Variants in SMARCA4 observed in about 807,000 individuals in gnomAD.
The protein encoded by SMARCA4 is SWI/SNF-related matrix-associated actin-dependent regulator of chromatin subfamily A member 4.
Under a neutral mutation model 193.9 loss-of-function variants are expected in SMARCA4, and 31 were observed. That is an observed-to-expected ratio of 0.16 (90% CI 0.12 to 0.22). The LOEUF is 0.22. SMARCA4 is among the 10% of genes least tolerant of loss of function. SMARCA4 has a pLI of 1.00. For missense variants in SMARCA4, 1,148 were observed against 2,296.0 expected (o/e 0.50, Z 10.22); for synonymous variants, 942 against 933.1 (o/e 1.01, Z -0.17).
At chr19:10,973,965 G>T (rs1272475275) in intron 1 of SMARCA4, among the ~76,000 whole-genome samples, 2 of 152,106 alleles carry the variant, frequency 1.3e-5, no homozygotes, top group East Asian at 3.9e-4. Context: ...CCTGCCCATT[G>T]CTGTTGTTCC....
In SMARCA4 at chr19:11,061,961, A is replaced by G. The variant is rs2076922650; in HGVS notation, c.*145A>G. ...AAAGAATCTTCCATATTTATACAGC[A>G]GAGAAGCTGTAGGACTGTTTGTGAC... On this transcript the variant is annotated 3_prime_UTR_variant, in exon 35 of 35. Coordinates refer to ENST00000344626, the MANE Select transcript of SMARCA4 (RefSeq NM_003072.5). 72 of 791,454 alleles carry G rather than the reference A, an allele frequency of 9.1e-5. 1 individual carries two copies. The South Asian group carries it at 9.9e-4, about 11-fold the overall frequency. The allele number at this position is 791,454 out of a possible 1,614,324, so 49.0% of individuals were successfully genotyped here. A position where few individuals can be genotyped will look rare whatever the true frequency, so the allele number is the denominator to read the frequency against.
chr19:11,054,005 C>T (rs2076404725), intron 30 of SMARCA4, among the ~76,000 whole-genome samples: 1 of 152,194 alleles, frequency 6.6e-6, no homozygotes, highest in African/African-American at 2.4e-5. Context: ...GGAAATGGGC[C>T]AAAGATGGGA....
intron 15 of SMARCA4, 60 bp from the exon 16 acceptor site, chr19:11,012,889 A>G (rs368665489): frequency 4.5e-6 from 7 of 1,541,188 alleles, no homozygotes; most frequent in Non-Finnish European, 1.8e-6. Context: ...CTGAAGTGGG[A>G]GGACCCTCTG....
At chr19:11,048,872 C>G (rs572020083) in intron 30 of SMARCA4, among the ~76,000 whole-genome samples, 1 of 152,340 alleles carries the variant, frequency 6.6e-6, no homozygotes, top group Admixed American at 6.5e-5. Flanking sequence ...ATCTTATACT[C>G]TGTTCTTCTG....
Position 11,019,746 on chromosome 19 carries a change from C to A in SMARCA4, c.2616+45C>A. 1 of 1,360,814 alleles carries A rather than the reference C, an allele frequency of 7.3e-7. No homozygotes were observed. Among genetic ancestry groups the A allele is most frequent in the Non-Finnish European group, 1.0e-6 (1 of 954,836 alleles). The allele number at this position is 1,360,814 out of a possible 1,614,324, so 84.3% of individuals were successfully genotyped here. A position where few individuals can be genotyped will look rare whatever the true frequency, so the allele number is the denominator to read the frequency against. On this transcript the variant is annotated intron_variant, in intron 18 of 34. Transcript: ENST00000344626. The surrounding 1 kb of genome is among the most constrained non-coding windows in gnomAD (Gnocchi z 6.1). ...AATGCCAGGCCATGGGCCGAGTGCTCACACGTGGGTCACGCTGCCCGTCTC... is the reference window on the plus strand; with the variant it reads ...AATGCCAGGCCATGGGCCGAGTGCTAACACGTGGGTCACGCTGCCCGTCTC...
At chr19:11,004,356 C>T (rs2146127618) in intron 13 of SMARCA4, among the ~76,000 whole-genome samples, 1 of 152,060 alleles carries the variant, frequency 6.6e-6, no homozygotes, top group South Asian at 2.1e-4. Flanking sequence ...TCAAGTGATT[C>T]TCCTGCCTCA....
chr19:10,979,999 C>T (rs2085434639), intron 1 of SMARCA4, among the ~76,000 whole-genome samples: 2 of 152,126 alleles, frequency 1.3e-5, no homozygotes, highest in South Asian at 2.1e-4. Flanking sequence ...GAGCTGAGGA[C>T]GTGGAGTCGC....
In SMARCA4 at chr19:11,007,991, C is replaced by T. The variant is rs528874054; in HGVS notation, c.2091C>T (p.Asp697=). 51 of 1,613,610 alleles carry T rather than the reference C, an allele frequency of 3.2e-5. No homozygotes were observed. Among genetic ancestry groups the T allele is most frequent in the African/African-American group, 1.2e-4 (9 of 75,014 alleles). ...AGATTCCAGATCCAGACAGCGATGA[C>T]GTCTCTGAGGTGGACGCGCGGCACA... ...KKKIPDPDSD[D]VSEVDARHII... The change falls in exon 14 of 35, where the codon GAC becomes GAT. Residue 697 remains aspartate, a synonymous_variant. Transcript: ENST00000344626.
chr19:11,014,639 G>A (rs888611363), intron 16 of SMARCA4, among the ~76,000 whole-genome samples: 2 of 152,008 alleles, frequency 1.3e-5, no homozygotes, highest in African/African-American at 2.4e-5. Flanking sequence ...AGTGGCAGTC[G>A]CCCTCTGCAG....
At chr19:11,045,439 C>A (rs907037508) in intron 30 of SMARCA4, among the ~76,000 whole-genome samples, 1 of 152,090 alleles carries the variant, frequency 6.6e-6, no homozygotes, top group Non-Finnish European at 1.5e-5. Flanking sequence ...AGCCACACGA[C>A]GAGCCTTCTA....
Position 11,033,120 on chromosome 19 carries a change from C to T in SMARCA4, c.3547-170C>T, listed in dbSNP as rs560037839. The T allele has an allele frequency of 7.9e-5, 54 of 681,240 alleles. No individual in the cohort carries two copies. The highest frequency in any genetic ancestry group is 5.1e-4 in the African/African-American group (29 of 56,900). The allele number at this position is 681,240 out of a possible 1,614,324, so 42.2% of individuals were successfully genotyped here. On this transcript the variant is annotated intron_variant, in intron 25 of 34. Coordinates refer to ENST00000344626, the MANE Select transcript of SMARCA4 (RefSeq NM_003072.5). The surrounding 1 kb of genome is among the most constrained non-coding windows in gnomAD (Gnocchi z 9.8). ...TCCCCTTCCCCCGAGGGACACATGG[C>T]GGCCCAGGCTCCACCAGCTCTGTTT...
intron 13 of SMARCA4, among the ~76,000 whole-genome samples, chr19:11,007,122 T>C (rs890354754): frequency 6.6e-6 from 1 of 151,166 alleles, no homozygotes; most frequent in Non-Finnish European, 1.5e-5. Context: ...CAGGAATCTG[T>C]GGTGGGGAAA....
intron 23 of SMARCA4, 124 bp downstream of exon 23, chr19:11,026,470 G>C: frequency 2.1e-5 from 14 of 667,132 alleles, no homozygotes; most frequent in East Asian, 2.9e-5. Flanking sequence ...AGAAAATACA[G>C]AAGAATCCAA....
At position 11,041,575 on chromosome 19, in the gene SMARCA4, G is replaced by A. The variant is rs191570676; in HGVS notation, c.4424+15G>A. 157 of 1,609,750 alleles carry A rather than the reference G, an allele frequency of 9.8e-5. No homozygotes were observed. Among genetic ancestry groups the A allele is most frequent in the Non-Finnish European group, 1.2e-4 (146 of 1,178,860 alleles). On this transcript the variant is annotated intron_variant, in intron 30 of 34. Coordinates refer to ENST00000344626, the MANE Select transcript of SMARCA4 (RefSeq NM_003072.5). The surrounding 1 kb of genome is among the most constrained non-coding windows in gnomAD (Gnocchi z 5.6). ...TACAAGGACAGGTAAGCGAGGAGGC[G>A]GGGAGGGCGGGGGCTGTAGGGGTCC...
chr19:11,012,264 T>G lies in SMARCA4; in HGVS notation c.2275-685T>G, dbSNP rs943457579. Reference sequence around the variant, plus strand: ...GGTGCATGCCTGTAATCCCAGCTACTTGGGAGGCTGAGGCAGAATTGCTTG... The same window carrying G: ...GGTGCATGCCTGTAATCCCAGCTACGTGGGAGGCTGAGGCAGAATTGCTTG... On this transcript the variant is annotated intron_variant, in intron 15 of 34. Coordinates refer to ENST00000344626, the MANE Select transcript of SMARCA4 (RefSeq NM_003072.5). 9 of 155,424 alleles carry G rather than the reference T, an allele frequency of 5.8e-5. No individual in the cohort carries two copies. In the South Asian group the frequency reaches 1.7e-3, roughly 30 times the overall value. 9.6% of individuals were successfully genotyped at this position (155,424 alleles called of 1,614,324 possible).
intron 6 of SMARCA4, 150 bp downstream of exon 6, chr19:10,988,074 T>C: frequency 1.4e-6 from 1 of 733,564 alleles, no homozygotes. Context: ...ACCTCCCTGC[T>C]CCCACCCTGG....
chr19:11,015,428 T>A (rs937748810), intron 16 of SMARCA4, among the ~76,000 whole-genome samples: 4 of 152,048 alleles, frequency 2.6e-5, no homozygotes, highest in African/African-American at 4.8e-5. Context: ...CTCCTTCAAT[T>A]TGGGTTTGTC....
intron 11 of SMARCA4, among the ~76,000 whole-genome samples, chr19:10,997,406 G>A (rs150269429): frequency 2.0e-5 from 3 of 152,130 alleles, no homozygotes; most frequent in African/African-American, 7.2e-5. Context: ...CACCGTGTTA[G>A]CCAGGATGGT....
intron 11 of SMARCA4, among the ~76,000 whole-genome samples, 162 bp from the exon 12 acceptor site, chr19:11,002,867 T>C (rs1229392951): frequency 1.3e-5 from 2 of 151,886 alleles, no homozygotes; most frequent in East Asian, 1.9e-4. Context: ...ATATTTTTAC[T>C]GGATTACTGA....
Sources: gnomAD v4.1 joint callset for allele counts (sites outside exome capture counted in the v4.1 genomes callset) on GRCh38, gnomAD v4.1.1 for gene constraint, Gnocchi (gnomAD v3.1) non-coding constraint, MANE v1.5 for transcripts, NCBI Gene and HGNC (gene_info 2026-07-23, HGNC 2026-07-21) for gene names.